ZBBX: variants seen among roughly 807,000 people sequenced by gnomAD.
ZBBX encodes the protein zinc finger B-box domain-containing protein 1.
A neutral mutation model predicts 108.5 loss-of-function variants in ZBBX; 101 were observed. The observed-to-expected ratio is 0.93, with a 90% CI of 0.79 to 1.10. ZBBX has a LOEUF of 1.10. Among genes scored for constraint, ZBBX ranks in the 50% least tolerant of loss-of-function variants. The pLI is 0.00. For synonymous variants in ZBBX, 356 were observed against 323.4 expected (o/e 1.10, Z -1.08); for missense variants, 1,009 against 941.4 (o/e 1.07, Z -0.94).
chr3:167,288,975 C>T lies in ZBBX; in HGVS notation c.1888G>A (p.Glu630Lys), dbSNP rs1307813983. 3 of 1,528,088 alleles carry T rather than the reference C, an allele frequency of 2.0e-6. No individual in the cohort carries two copies. The highest frequency in any genetic ancestry group is 2.0e-5 in the Admixed American group (1 of 49,066). 94.7% of individuals were successfully genotyped at this position (1,528,088 alleles called of 1,614,324 possible). A position where few individuals can be genotyped will look rare whatever the true frequency, so the allele number is the denominator to read the frequency against. Residue 630 changes from glutamate to lysine, a missense_variant, in exon 19 of 22, where the codon GAA (glutamate) becomes AAA (lysine). Coordinates refer to ENST00000675490, the MANE Select transcript of ZBBX (RefSeq NM_001199201.2). The part of the protein sequence containing the change: ...STRITLAEDR[E>K]WIPDHSLSEY... ...CTTAAGCTATGGTCTGGAATCCATT[C>T]TCTGTCTTCTGAAATTGAAAAACAG...
chr3:167,222,623 C>G, the ZBBX span, among the ~76,000 whole-genome samples: 1 of 151,840 alleles, frequency 6.6e-6, no homozygotes, highest in Non-Finnish European at 1.5e-5. Context: ...GTGATGAATA[C>G]ATTTACCCTG....
chr3:167,407,330 A>G lies in ZBBX; in HGVS notation c.-446+396T>C, dbSNP rs140549475. Among the ~76,000 whole-genome samples, 847 of 152,314 alleles carry G rather than the reference A, an allele frequency of 5.6e-3. 17 individuals carry two copies. The highest frequency in any genetic ancestry group is 0.041 in the Admixed American group (629 of 15,288). On this transcript the variant is annotated intron_variant, in intron 1 of 21. Coordinates refer to the ZBBX transcript ENST00000455345. Reference sequence around the variant, plus strand: ...AATATTTTATAGGTAGAAATGTCCAATGCTAATGTCCATACCTCTATGCCT... The same window carrying G: ...AATATTTTATAGGTAGAAATGTCCAGTGCTAATGTCCATACCTCTATGCCT...
the ZBBX span, among the ~76,000 whole-genome samples, chr3:167,227,494 G>A: frequency 7.9e-5 from 12 of 151,572 alleles, no homozygotes; most frequent in African/African-American, 2.7e-4. Flanking sequence ...CCTTCCTTGG[G>A]AAGCAAATTT....
At chr3:167,390,043 C>T (rs532337897) in intron 1 of ZBBX, among the ~76,000 whole-genome samples, 68 of 152,138 alleles carry the variant, frequency 4.5e-4, no homozygotes, top group African/African-American at 1.6e-3. Flanking sequence ...TTTGCCCATG[C>T]CTATGTCGTG....
the ZBBX span, among the ~76,000 whole-genome samples, chr3:167,198,095 G>A: frequency 6.6e-6 from 1 of 152,002 alleles, no homozygotes; most frequent in Non-Finnish European, 1.5e-5. Flanking sequence ...GATTGACATT[G>A]ATTTTTTAAA....
chr3:167,369,092 G>T (rs1352050340), intron 4 of ZBBX, among the ~76,000 whole-genome samples: 1 of 152,106 alleles, frequency 6.6e-6, no homozygotes, highest in African/African-American at 2.4e-5. Flanking sequence ...TAAGAATAAA[G>T]CCCCTATTAA....
chr3:167,266,385 TTTC>T (rs1409825174), intron 20 of ZBBX, among the ~76,000 whole-genome samples: 1 of 152,184 alleles, frequency 6.6e-6, no homozygotes, highest in Non-Finnish European at 1.5e-5. Flanking sequence ...CCAACTTAAC[TTTC>T]TTGTTTCTCC....
In ZBBX at chr3:167,288,985, T is replaced by C; in HGVS notation, c.1880-2A>G. On this transcript the variant is annotated splice_acceptor_variant, in intron 18 of 21. Coordinates refer to ENST00000675490, the MANE Select transcript of ZBBX (RefSeq NM_001199201.2). LOFTEE classifies it high-confidence loss of function. Reference sequence around the variant, plus strand: ...GGTCTGGAATCCATTCTCTGTCTTCTGAAATTGAAAAACAGTAAGATAACA... The same window carrying C: ...GGTCTGGAATCCATTCTCTGTCTTCCGAAATTGAAAAACAGTAAGATAACA... 2.6e-6 allele frequency: 4 copies of C among 1,522,950 alleles called. No individual in the cohort carries two copies. Among genetic ancestry groups the C allele is most frequent in the Middle Eastern group, 1.7e-4 (1 of 5,892 alleles). The allele number at this position is 1,522,950 out of a possible 1,614,324, so 94.3% of individuals were successfully genotyped here. A position where few individuals can be genotyped will look rare whatever the true frequency, so the allele number is the denominator to read the frequency against.
chr3:167,243,547 T>G (rs1721046510), intron 20 of ZBBX, among the ~76,000 whole-genome samples: 1 of 151,994 alleles, frequency 6.6e-6, no homozygotes, highest in Non-Finnish European at 1.5e-5. Context: ...TATAGGCATG[T>G]GCCACCACAC....
At chr3:167,359,547 G>GT (rs1236378689) in intron 8 of ZBBX, among the ~76,000 whole-genome samples, 1 of 152,090 alleles carries the variant, frequency 6.6e-6, no homozygotes. Flanking sequence ...TGTTGTTGTA[G>GT]TTTTGGTTTG....
intron 20 of ZBBX, among the ~76,000 whole-genome samples, chr3:167,270,941 A>G (rs761466546): frequency 1.5e-4 from 23 of 152,228 alleles, no homozygotes; most frequent in Non-Finnish European, 2.6e-4. Context: ...CCTAGGGGAT[A>G]CCACCTTCAA....
At chr3:167,189,666 G>T in the ZBBX span, among the ~76,000 whole-genome samples, 8 of 152,278 alleles carry the variant, frequency 5.3e-5, no homozygotes, top group African/African-American at 1.9e-4. Context: ...TATGTTCACA[G>T]CAAAATTTAG....
chr3:167,362,760 T>C (rs973428393), intron 6 of ZBBX, among the ~76,000 whole-genome samples: 4 of 152,038 alleles, frequency 2.6e-5, no homozygotes, highest in Non-Finnish European at 5.9e-5. Flanking sequence ...AGAAAATTTT[T>C]CTATTTGCTC....
chr3:167,309,402 C>T (rs975616717), intron 16 of ZBBX, among the ~76,000 whole-genome samples: 4 of 152,212 alleles, frequency 2.6e-5, no homozygotes, highest in Admixed American at 6.5e-5. Flanking sequence ...CTTTGCACCA[C>T]TCTAGTAGAG....
At chr3:167,191,378 T>C in the ZBBX span, among the ~76,000 whole-genome samples, 2 of 152,338 alleles carry the variant, frequency 1.3e-5, no homozygotes, top group South Asian at 4.1e-4. Context: ...TTTTCTCTGA[T>C]ACGGTTTGGC....
chr3:167,252,831 A>G (rs931649617), intron 20 of ZBBX, among the ~76,000 whole-genome samples: 3 of 152,198 alleles, frequency 2.0e-5, no homozygotes, highest in African/African-American at 7.2e-5. Flanking sequence ...GGAATGGCTG[A>G]AAAAAAGACT....
chr3:167,190,156 G>C, the ZBBX span, among the ~76,000 whole-genome samples: 4 of 151,860 alleles, frequency 2.6e-5, no homozygotes, highest in African/African-American at 9.7e-5. Context: ...ATATGTTTTG[G>C]ACATTATATG....
chr3:167,329,882 T>A (rs746182475), intron 10 of ZBBX, among the ~76,000 whole-genome samples: 8 of 152,178 alleles, frequency 5.3e-5, no homozygotes, highest in Non-Finnish European at 1.0e-4. Flanking sequence ...AAATAGTGTG[T>A]TTGGCTGCAA....
the ZBBX span, among the ~76,000 whole-genome samples, chr3:167,182,994 T>C: frequency 6.6e-6 from 1 of 152,118 alleles, no homozygotes; most frequent in African/African-American, 2.4e-5. Context: ...GAGTGGTCGC[T>C]CTAGGCGCTG....
Sources: gnomAD v4.1 joint callset for allele counts (sites outside exome capture counted in the v4.1 genomes callset) on GRCh38, gnomAD v4.1.1 for gene constraint, MANE v1.5 for transcripts, NCBI Gene and HGNC (gene_info 2026-07-23, HGNC 2026-07-21) for gene names.